The following LAMA4 variants were observed in gnomAD, a reference collection of about 807,000 sequenced individuals.
The protein encoded by LAMA4 is laminin subunit alpha-4.
A neutral mutation model predicts 207.1 loss-of-function variants in LAMA4; 127 were observed. The ratio of observed to expected loss-of-function variants is 0.61; its 90% CI spans 0.53 to 0.71. LAMA4 has a LOEUF of 0.71. LAMA4 is among the 30% of genes least tolerant of loss of function. The pLI is 0.00. For synonymous variants in LAMA4, 761 were observed against 816.0 expected (o/e 0.93, Z 1.15); for missense variants, 2,093 against 2,246.5 (o/e 0.93, Z 1.38).
intron 37 of LAMA4, 34 bp from the exon 38 acceptor site, chr6:112,114,229 CA>C (rs782078478): frequency 1.9e-6 from 3 of 1,602,612 alleles, no homozygotes; most frequent in Non-Finnish European, 1.7e-6. Context: ...TCATAAGTGG[CA>C]CTGGAGTGAT....
chr6:112,234,760 C>A (rs1326930302), intron 2 of LAMA4: 5 of 152,124 alleles, frequency 3.3e-5, no homozygotes, highest in Non-Finnish European at 7.4e-5. Flanking sequence ...CCACCGAACA[C>A]TTTGATATAC....
intron 2 of LAMA4, among the ~76,000 whole-genome samples, chr6:112,221,208 G>A (rs1047291831): frequency 7.2e-5 from 11 of 152,114 alleles, no homozygotes; most frequent in Admixed American, 3.3e-4. Context: ...CAGCTCCAGC[G>A]AATGATGAAG....
At chr6:112,188,552 T>C (rs975804252) in intron 7 of LAMA4, among the ~76,000 whole-genome samples, 3 of 152,180 alleles carry the variant, frequency 2.0e-5, no homozygotes, top group African/African-American at 2.4e-5. Flanking sequence ...ATTAAAATAG[T>C]TTTTAAACCA....
intron 12 of LAMA4, among the ~76,000 whole-genome samples, chr6:112,167,874 ACACACACAC>A (rs1781473383): frequency 3.3e-5 from 5 of 149,612 alleles, no homozygotes; most frequent in African/African-American, 1.2e-4. Context: ...ACACACACAC[ACACACACAC>A]ACACACACAC....
chr6:112,108,580 A>G lies in LAMA4; in HGVS notation c.*857T>C, dbSNP rs192805682. Among the ~76,000 whole-genome samples, 131 of 152,060 alleles carry G rather than the reference A, an allele frequency of 8.6e-4. 4 individuals carry two copies. The South Asian group carries it at 0.018, about 21-fold the overall frequency. ...GACTACAGGTGTATGCCCATGTACA[A>G]ATTTTTTTGCAGAGATGGGATCTCA... On this transcript the variant is annotated 3_prime_UTR_variant, in exon 39 of 39. Transcript: ENST00000230538.
chr6:112,222,733 A>G (rs1784992156), intron 2 of LAMA4, among the ~76,000 whole-genome samples: 1 of 152,170 alleles, frequency 6.6e-6, no homozygotes, highest in Non-Finnish European at 1.5e-5. Context: ...CTGTTCATCA[A>G]CTATTTGGAC....
rs78797614 is a variant in LAMA4 at position 112,109,883 on chromosome 6, G to T, written c.5327-301C>A. Among the ~76,000 whole-genome samples, 967 of 152,250 alleles carry T rather than the reference G, an allele frequency of 6.4e-3. 11 individuals are homozygous for T. The highest frequency in any genetic ancestry group is 0.022 in the African/African-American group (915 of 41,550). On this transcript the variant is annotated intron_variant, in intron 38 of 38. Transcript: ENST00000230538. Reference sequence around the variant, plus strand: ...TAAAGCCTCAGCAGTGAATTTTCATGATCTACCTATGTTTTTTAAAGTTAA... The same window carrying T: ...TAAAGCCTCAGCAGTGAATTTTCATTATCTACCTATGTTTTTTAAAGTTAA...
At chr6:112,180,411 A>T (rs1782287551) in intron 9 of LAMA4, among the ~76,000 whole-genome samples, 1 of 152,244 alleles carries the variant, frequency 6.6e-6, no homozygotes, top group Admixed American at 6.5e-5. Context: ...AATTGAACCT[A>T]TAGTGATGGC....
At chr6:112,190,970 T>TTCTTTCTTCCC (rs1783076500) in intron 6 of LAMA4, among the ~76,000 whole-genome samples, 1 of 147,178 alleles carries the variant, frequency 6.8e-6, no homozygotes, top group Non-Finnish European at 1.5e-5. Context: ...CTTTCTTTCT[T>TTCTTTCTTCCC]TCTTTCTTTC....
chr6:112,194,623 G>T (rs1253227943), intron 5 of LAMA4, among the ~76,000 whole-genome samples: 4 of 152,188 alleles, frequency 2.6e-5, no homozygotes, highest in African/African-American at 9.7e-5. Flanking sequence ...GAAGCTAAAT[G>T]ACTTGTTCAT....
intron 5 of LAMA4, among the ~76,000 whole-genome samples, chr6:112,195,833 T>C (rs6568723): frequency 0.6 from 90,860 of 151,644 alleles, 28,980 homozygotes; most frequent in African/African-American, 0.83. Flanking sequence ...GTTGAGGGTC[T>C]TGGGTTTTAG....
intron 10 of LAMA4, 107 bp from the exon 11 acceptor site, chr6:112,175,587 G>T: frequency 9.1e-7 from 1 of 1,096,222 alleles, no homozygotes; most frequent in Non-Finnish European, 1.4e-6. Context: ...ATCCTGAAAT[G>T]GAAAGAGAGA....
At chr6:112,150,202 G>GACACACACACACACACACACAC (rs68144829) in intron 17 of LAMA4, among the ~76,000 whole-genome samples, 1 of 143,338 alleles carries the variant, frequency 7.0e-6, no homozygotes, top group South Asian at 2.3e-4. Flanking sequence ...CCCATTAAAA[G>GACACACACACACACACACACAC]ACACACACAC....
At position 112,177,986 on chromosome 6, in the gene LAMA4, A is replaced by T. The variant is rs1429628378; in HGVS notation, c.1189+135T>A. The T allele has an allele frequency of 2.6e-5, 18 of 700,906 alleles. No individual in the cohort carries two copies. In the East Asian group the frequency reaches 4.8e-4, roughly 19 times the overall value. The allele number at this position is 700,906 out of a possible 1,614,324, so 43.4% of individuals were successfully genotyped here. A position where few individuals can be genotyped will look rare whatever the true frequency, so the allele number is the denominator to read the frequency against. On this transcript the variant is annotated intron_variant, in intron 10 of 38. Coordinates refer to ENST00000230538, the MANE Select transcript of LAMA4 (RefSeq NM_001105206.3). Reference sequence around the variant, plus strand: ...AAACTTGAAATGAAGACCTTATACAAGTTTAAACCTATAATACTGTACCAA... The same window carrying T: ...AAACTTGAAATGAAGACCTTATACATGTTTAAACCTATAATACTGTACCAA...
intron 13 of LAMA4, among the ~76,000 whole-genome samples, chr6:112,163,371 C>T (rs1396823147): frequency 6.6e-6 from 1 of 151,982 alleles, no homozygotes; most frequent in Non-Finnish European, 1.5e-5. Context: ...AAATAAGAGA[C>T]AGTGGTTGTA....
In LAMA4 at chr6:112,172,516, C is replaced by T. The variant is rs991623167; in HGVS notation, c.1551+95G>A. 41 of 1,130,086 alleles carry T rather than the reference C, an allele frequency of 3.6e-5. No individual in the cohort carries two copies. The East Asian group carries it at 8.2e-4, about 22-fold the overall frequency. 70.0% of individuals were successfully genotyped at this position (1,130,086 alleles called of 1,614,324 possible). A position where few individuals can be genotyped will look rare whatever the true frequency, so the allele number is the denominator to read the frequency against. ...TTTAAAATATAAGTATTTAACTATACCAATATTTTAAAAAAATTTATATCA... is the reference window on the plus strand; with the variant it reads ...TTTAAAATATAAGTATTTAACTATATCAATATTTTAAAAAAATTTATATCA... On this transcript the variant is annotated intron_variant, in intron 12 of 38. Transcript: ENST00000230538.
chr6:112,143,507 C>T (rs1779834825), intron 19 of LAMA4, among the ~76,000 whole-genome samples: 1 of 152,164 alleles, frequency 6.6e-6, no homozygotes, highest in African/African-American at 2.4e-5. Context: ...TGGTCTCAAA[C>T]TCCTGGACTC....
intron 9 of LAMA4, among the ~76,000 whole-genome samples, chr6:112,181,129 T>C (rs1336296512): frequency 1.3e-5 from 2 of 152,204 alleles, no homozygotes; most frequent in African/African-American, 4.8e-5. Context: ...CTCTTTTCCA[T>C]GACCACAGTC....
At chr6:112,228,731 G>A (rs1441549305) in intron 2 of LAMA4, among the ~76,000 whole-genome samples, 2 of 152,218 alleles carry the variant, frequency 1.3e-5, no homozygotes, top group Non-Finnish European at 2.9e-5. Flanking sequence ...CTGAACAGCC[G>A]TGCTGAGGCA....
Sources: allele counts gnomAD v4.1 joint callset (sites outside exome capture counted in the v4.1 genomes callset), GRCh38; gene constraint gnomAD v4.1.1; transcripts MANE v1.5; gene names NCBI Gene and HGNC (gene_info 2026-07-23, HGNC 2026-07-21).